Variants in CADPS observed in about 807,000 individuals in gnomAD.
CADPS encodes the protein calcium dependent secretion activator, also known as calcium-dependent secretion activator 1.
CADPS carries 57 observed loss-of-function variants against 167.3 expected under a neutral mutation model. That is an observed-to-expected ratio of 0.34 (90% confidence interval 0.28 to 0.42). The LOEUF is 0.42. Ranked by LOEUF, CADPS falls within the 20% of genes least tolerant of loss-of-function variation. The pLI, the probability that CADPS is intolerant of heterozygous loss-of-function variation, is 1.00. For missense variants in CADPS, 1,414 were observed against 1,738.1 expected (o/e 0.81, Z 3.32); for synonymous variants, 676 against 635.3 (o/e 1.06, Z -0.96).
chr3:62,847,494 G>C (rs1234598156), intron 1 of CADPS, among the ~76,000 whole-genome samples: 1 of 93,290 alleles, frequency 1.1e-5, no homozygotes, highest in Non-Finnish European at 2.1e-5. Flanking sequence ...TGATCTCATT[G>C]TTCAATTCCC....
rs966621679 is a variant in CADPS at position 62,592,897 on chromosome 3, A to G, written c.1326-149T>C. On this transcript the variant is annotated intron_variant, in intron 6 of 29. Coordinates refer to ENST00000383710, the MANE Select transcript of CADPS (RefSeq NM_003716.4). The stretch of plus-strand genomic sequence containing the variant: ...TTCTCCTCCCCTTCAAAGCTGCCAG[A>G]GTAACAAACGTGTTAATTAACTTGT... The G allele has an allele frequency of 1.5e-5, 8 of 546,042 alleles. No homozygotes were observed. The African/African-American group carries it at 1.5e-4, about 10-fold the overall frequency. 33.8% of individuals were successfully genotyped at this position (546,042 alleles called of 1,614,324 possible).
rs569598370 is a variant in CADPS, at chr3:62,633,212, T to C, written c.1325+12510A>G. Among the ~76,000 whole-genome samples the C allele has an allele frequency of 1.1e-3, 173 of 152,240 alleles. 1 individual carries two copies. The South Asian group carries it at 0.035, about 31-fold the overall frequency. ...AGAGAGTTTGGGCTCTATGTCCCAA[T>C]GTGTCTTGAACCTGTCCCTCTCACT... is the stretch of plus-strand genomic sequence containing the variant. On this transcript the variant is annotated intron_variant, in intron 6 of 29. Transcript: ENST00000383710.
Position 62,781,238 on chromosome 3 carries a change from G to A in CADPS, c.442-15254C>T, listed in dbSNP as rs143090958. On this transcript the variant is annotated intron_variant, in intron 1 of 29. Coordinates refer to ENST00000383710, the MANE Select transcript of CADPS (RefSeq NM_003716.4). ...CTCAGGAATGTTTGCTACCCTGAAG[G>A]CATACAGCAGACAAAGCCACCAGCC... Among the ~76,000 whole-genome samples the A allele has an allele frequency of 1.2e-4, 18 of 152,252 alleles. No homozygotes were observed. The East Asian group carries it at 3.1e-3, about 26-fold the overall frequency.
At chr3:62,612,879 C>A (rs1219997133) in intron 6 of CADPS, among the ~76,000 whole-genome samples, 4 of 152,210 alleles carry the variant, frequency 2.6e-5, no homozygotes, top group Admixed American at 6.5e-5. Flanking sequence ...AGGCACTGTT[C>A]TGGGCGCTGG....
At chr3:62,817,689 T>C (rs914372513) in intron 1 of CADPS, among the ~76,000 whole-genome samples, 26 of 152,328 alleles carry the variant, frequency 1.7e-4, no homozygotes, top group African/African-American at 6.3e-4. Flanking sequence ...GGTAGCTTAT[T>C]CGGTGTACTG....
chr3:62,423,224 T>C (rs1298103805), intron 28 of CADPS, among the ~76,000 whole-genome samples: 2 of 152,206 alleles, frequency 1.3e-5, no homozygotes, highest in Non-Finnish European at 2.9e-5. Context: ...CTGGTATTCA[T>C]AGAGCTTGAG....
At chr3:62,641,719 G>A (rs1221967130) in intron 6 of CADPS, among the ~76,000 whole-genome samples, 1 of 152,096 alleles carries the variant, frequency 6.6e-6, no homozygotes, top group Non-Finnish European at 1.5e-5. Context: ...GGCTTTCTAT[G>A]TTAAAAACGC....
chr3:62,515,075 T>C (rs1301413754), intron 16 of CADPS, among the ~76,000 whole-genome samples: 1 of 152,080 alleles, frequency 6.6e-6, no homozygotes, highest in Non-Finnish European at 1.5e-5. Flanking sequence ...AATCTTAACC[T>C]AATTCTCTAA....
intron 1 of CADPS, among the ~76,000 whole-genome samples, chr3:62,872,369 T>C (rs549512249): frequency 6.6e-6 from 1 of 152,140 alleles, no homozygotes; most frequent in African/African-American, 2.4e-5. Flanking sequence ...CTTACAGATA[T>C]AGCAGTGAAA....
chr3:62,664,617 A>G (rs1252938627), intron 3 of CADPS, among the ~76,000 whole-genome samples: 5 of 152,262 alleles, frequency 3.3e-5, no homozygotes, highest in African/African-American at 1.2e-4. Context: ...TTCAAAATAC[A>G]TATGCAAATG....
Position 62,742,829 on chromosome 3 carries a change from A to T in CADPS, c.888+10612T>A, listed in dbSNP as rs192181264. On this transcript the variant is annotated intron_variant, in intron 3 of 29. Coordinates refer to ENST00000383710, the MANE Select transcript of CADPS (RefSeq NM_003716.4). The stretch of plus-strand genomic sequence containing the variant: ...ATAGCAAAACAAACTATCAACAGAG[A>T]AAAGAGAAAACAGAAAACCGACAGA... Among the ~76,000 whole-genome samples the T allele has an allele frequency of 1.2e-4, 18 of 152,154 alleles. No homozygotes were observed. The East Asian group carries it at 3.5e-3, about 29-fold the overall frequency.
intron 1 of CADPS, among the ~76,000 whole-genome samples, chr3:62,775,218 G>T (rs1023653066): frequency 0.11 from 3,206 of 30,286 alleles, 55 homozygotes; most frequent in South Asian, 0.34. Context: ...TTGTATTTTT[G>T]TATTTTTTTT....
intron 1 of CADPS, among the ~76,000 whole-genome samples, chr3:62,772,993 G>T (rs1214324053): frequency 6.6e-6 from 1 of 151,830 alleles, no homozygotes; most frequent in Non-Finnish European, 1.5e-5. Flanking sequence ...TTTTAAAAAA[G>T]AAATCATTAT....
chr3:62,680,590 TG>T (rs2077004585), intron 3 of CADPS, among the ~76,000 whole-genome samples: 1 of 152,052 alleles, frequency 6.6e-6, no homozygotes, highest in African/African-American at 2.4e-5. Flanking sequence ...TTCAGCACCT[TG>T]ACATGTCTCC....
Position 62,567,564 on chromosome 3 carries a change from CTTTTTTTTTTTTTTTT to C in CADPS, c.1644+3292_1644+3307del, listed in dbSNP as rs10561022. Among the ~76,000 whole-genome samples the C allele has an allele frequency of 8.1e-3, 273 of 33,872 alleles. 6 individuals carry two copies. The highest frequency in any genetic ancestry group is 0.028 in the African/African-American group (258 of 9,200). The allele number at this position is 33,872 out of a possible 152,430, so 22.2% of individuals were successfully genotyped here. A position where few individuals can be genotyped will look rare whatever the true frequency, so the allele number is the denominator to read the frequency against. ...GAGAACCATCCATGACTAAGCACTG[CTTTTTTTTTTTTTTTT>C]TTTTTTTTTTTTTTTTTAGAGTCTC... On this transcript the variant is annotated intron_variant, in intron 9 of 29. Coordinates refer to ENST00000383710, the MANE Select transcript of CADPS (RefSeq NM_003716.4).
intron 1 of CADPS, among the ~76,000 whole-genome samples, chr3:62,831,860 C>T (rs961332475): frequency 1.2e-4 from 19 of 152,148 alleles, no homozygotes; most frequent in Non-Finnish European, 1.9e-4. Flanking sequence ...TACCACACCA[C>T]GCAATGTATT....
At chr3:62,811,378 C>G (rs1457751188) in intron 1 of CADPS, among the ~76,000 whole-genome samples, 1 of 152,112 alleles carries the variant, frequency 6.6e-6, no homozygotes, top group African/African-American at 2.4e-5. Flanking sequence ...ATCTGCTTGT[C>G]ATTTCCATCT....
intron 6 of CADPS, among the ~76,000 whole-genome samples, chr3:62,615,732 C>T (rs909315359): frequency 1.3e-5 from 2 of 152,080 alleles, no homozygotes; most frequent in African/African-American, 4.8e-5. Flanking sequence ...CACCCACACC[C>T]ACAGAGGAAT....
chr3:62,519,186 C>CTA (rs2069784210), intron 13 of CADPS, among the ~76,000 whole-genome samples: 1 of 152,160 alleles, frequency 6.6e-6, no homozygotes, highest in Non-Finnish European at 1.5e-5. Flanking sequence ...CTTGTTTTGA[C>CTA]TACTGGCTGA....
Sources: allele counts gnomAD v4.1 joint callset (sites outside exome capture counted in the v4.1 genomes callset), GRCh38; gene constraint gnomAD v4.1.1; transcripts MANE v1.5; gene names NCBI Gene and HGNC (gene_info 2026-07-23, HGNC 2026-07-21).